CDK19: variants seen among roughly 807,000 people sequenced by gnomAD.
The protein encoded by CDK19 is cyclin dependent kinase 19, also known as cyclin-dependent kinase 19.
Under a neutral mutation model 68.3 loss-of-function variants are expected in CDK19, and 20 were observed. That is an observed-to-expected ratio of 0.29 (90% CI 0.21 to 0.43). The LOEUF (loss-of-function observed/expected upper bound fraction) is 0.43, where lower values mean the gene tolerates loss of function less well. Ranked by LOEUF, CDK19 falls within the 20% of genes least tolerant of loss-of-function variation. The pLI is 1.00. For synonymous variants in CDK19, 221 were observed against 222.8 expected (o/e 0.99, Z 0.07); for missense variants, 339 against 623.5 (o/e 0.54, Z 4.86).
intron 4 of CDK19, among the ~76,000 whole-genome samples, chr6:110,651,537 A>G (rs1780972819): frequency 6.6e-6 from 1 of 152,222 alleles, no homozygotes; most frequent in Non-Finnish European, 1.5e-5. Context: ...GTTTGAAACC[A>G]GGCTGGGCAA....
At chr6:110,677,509 T>G (rs956039438) in intron 2 of CDK19, among the ~76,000 whole-genome samples, 11 of 146,050 alleles carry the variant, frequency 7.5e-5, no homozygotes, top group Non-Finnish European at 1.6e-4. Context: ...GAGCTTGCAG[T>G]GAGCCGAGAT....
rs139483772 is a variant in CDK19, at chr6:110,767,770, T to A, written c.129-21569A>T. ...CACATTGTATACATGTACTGGAGTA[T>A]CACATGTAACCCCATAAATATGTAA... On this transcript the variant is annotated intron_variant, in intron 1 of 12. Transcript: ENST00000368911. Among the ~76,000 whole-genome samples, 39 of 152,268 alleles carry A rather than the reference T, an allele frequency of 2.6e-4. No individual in the cohort carries two copies. The East Asian group carries it at 7.1e-3, about 28-fold the overall frequency.
At chr6:110,690,753 A>G (rs993837953) in intron 2 of CDK19, among the ~76,000 whole-genome samples, 3 of 152,224 alleles carry the variant, frequency 2.0e-5, no homozygotes, top group Non-Finnish European at 2.9e-5. Context: ...AAGACTCTCT[A>G]TAATGACAGA....
intron 2 of CDK19, among the ~76,000 whole-genome samples, chr6:110,683,826 C>T (rs921387028): frequency 7.3e-5 from 11 of 151,284 alleles, no homozygotes; most frequent in African/African-American, 2.7e-4. Flanking sequence ...CTCAGCCTCC[C>T]GAGTAGCTGG....
intron 1 of CDK19, among the ~76,000 whole-genome samples, chr6:110,782,673 A>G (rs566485523): frequency 6.6e-6 from 1 of 152,264 alleles, no homozygotes; most frequent in Non-Finnish European, 1.5e-5. Context: ...TTCCCTTTAC[A>G]ATCAGAAAAA....
intron 4 of CDK19, among the ~76,000 whole-genome samples, chr6:110,653,067 TAGAACAAGTAAATAAATGTTAAGGTCTCA>T (rs1413987229): frequency 6.6e-6 from 1 of 152,206 alleles, no homozygotes; most frequent in African/African-American, 2.4e-5. Context: ...CTGTTCCCTT[TAGAACAAGTAAATAAATGTTAAGGTCTCA>T]AGATACTTGA....
intron 8 of CDK19, among the ~76,000 whole-genome samples, chr6:110,623,897 GTATA>G (rs72296760): frequency 6.9e-6 from 1 of 144,308 alleles, no homozygotes; most frequent in African/African-American, 2.5e-5. Context: ...ATATGTGTGT[GTATA>G]TATATATACG....
intron 8 of CDK19, among the ~76,000 whole-genome samples, chr6:110,624,956 T>C (rs949224938): frequency 1.5e-4 from 23 of 152,318 alleles, no homozygotes; most frequent in Middle Eastern, 3.4e-3. Flanking sequence ...GCCTATCCTA[T>C]AGATTTGCTA....
At chr6:110,792,258 C>T (rs943817128) in intron 1 of CDK19, among the ~76,000 whole-genome samples, 9 of 152,098 alleles carry the variant, frequency 5.9e-5, no homozygotes, top group African/African-American at 1.7e-4. Flanking sequence ...CGTGAGCCAC[C>T]GCGCCTGGCC....
chr6:110,737,578 C>T (rs1190590125), intron 2 of CDK19, among the ~76,000 whole-genome samples: 1 of 152,144 alleles, frequency 6.6e-6, no homozygotes, highest in Non-Finnish European at 1.5e-5. Flanking sequence ...GTTCTATTTG[C>T]TCGCTGGCTC....
intron 2 of CDK19, among the ~76,000 whole-genome samples, chr6:110,680,480 T>G (rs993461695): frequency 1.3e-5 from 2 of 151,896 alleles, no homozygotes; most frequent in East Asian, 3.9e-4. Context: ...CACACAAGAG[T>G]GTATTCACTA....
At chr6:110,799,361 T>C (rs1562297886) in intron 1 of CDK19, among the ~76,000 whole-genome samples, 1 of 152,010 alleles carries the variant, frequency 6.6e-6, no homozygotes, top group Non-Finnish European at 1.5e-5. Flanking sequence ...CATCCCTCAG[T>C]ATGGTGTGGG....
chr6:110,627,250 A>C, intron 6 of CDK19, 105 bp from the exon 7 acceptor site: 2 of 752,062 alleles, frequency 2.7e-6, no homozygotes, highest in Non-Finnish European at 4.1e-6. Flanking sequence ...ATCAATATAC[A>C]AAGTACAATA....
At chr6:110,655,533 G>T (rs946546117) in intron 4 of CDK19, among the ~76,000 whole-genome samples, 1 of 152,068 alleles carries the variant, frequency 6.6e-6, no homozygotes, top group Admixed American at 6.5e-5. Context: ...ACTTTTCCCT[G>T]TCAAAACTCC....
At position 110,614,178 on chromosome 6, in the gene CDK19, G is replaced by A. The variant is rs1469995641; in HGVS notation, c.*357C>T. The stretch of plus-strand genomic sequence containing the variant: ...CTAAAACATTAAAATCCTATTAAAA[G>A]AGCTTTGAAAAGATAAACCATAGTG... On this transcript the variant is annotated 3_prime_UTR_variant, in exon 13 of 13. Coordinates refer to ENST00000368911, the MANE Select transcript of CDK19 (RefSeq NM_015076.5). 1 of 172,692 alleles carries A rather than the reference G, an allele frequency of 5.8e-6. No homozygotes were observed. Among genetic ancestry groups the A allele is most frequent in the Non-Finnish European group, 1.2e-5 (1 of 80,470 alleles). The allele number at this position is 172,692 out of a possible 1,614,324, so 10.7% of individuals were successfully genotyped here.
chr6:110,732,101 G>A (rs547837698), intron 2 of CDK19, among the ~76,000 whole-genome samples: 1 of 142,286 alleles, frequency 7.0e-6, no homozygotes, highest in Non-Finnish European at 1.5e-5. Flanking sequence ...TCAGTAAACT[G>A]CGCCATCTAG....
At position 110,746,197 on chromosome 6, in the gene CDK19, C is replaced by T. The variant is rs1385019803; in HGVS notation, c.133G>A (p.Asp45Asn). ...TGCTTCAATGCATATTCCTTTTCATCTTTTCTGCACATAAACAAAAAAACA... is the reference window on the plus strand; with the variant it reads ...TGCTTCAATGCATATTCCTTTTCATTTTTTCTGCACATAAACAAAAAAACA... ...VYKARRKDGK[D>N]EKEYALKQIE... Residue 45 changes from aspartate to asparagine, a missense_variant, in exon 2 of 13, where the codon GAT (aspartate) becomes AAT (asparagine). By Grantham distance (23) the Asp-to-Asn change is conservative (BLOSUM62 1). Coordinates refer to ENST00000368911, the MANE Select transcript of CDK19 (RefSeq NM_015076.5). 1.3e-6 allele frequency: 2 copies of T among 1,589,330 alleles called. No homozygotes were observed. The highest frequency in any genetic ancestry group is 1.4e-5 in the African/African-American group (1 of 74,042).
chr6:110,728,045 C>T (rs1026259852), intron 2 of CDK19, among the ~76,000 whole-genome samples: 3 of 150,658 alleles, frequency 2.0e-5, no homozygotes, highest in African/African-American at 7.3e-5. Context: ...AATCCCAGCA[C>T]TTTGGGAGGC....
chr6:110,771,083 C>T (rs532810072), intron 1 of CDK19, among the ~76,000 whole-genome samples: 25 of 152,268 alleles, frequency 1.6e-4, no homozygotes, highest in African/African-American at 6.0e-4. Context: ...GTGCATGGTG[C>T]AAGCTGTCAG....
Sources: gnomAD v4.1 joint callset for allele counts (sites outside exome capture counted in the v4.1 genomes callset) on GRCh38, gnomAD v4.1.1 for gene constraint, MANE v1.5 for transcripts, NCBI Gene and HGNC (gene_info 2026-07-23, HGNC 2026-07-21) for gene names.